Variants in ITPR2 observed in about 807,000 individuals in gnomAD.
The protein encoded by ITPR2 is inositol 1,4,5-trisphosphate receptor type 2.
A neutral mutation model predicts 317.1 loss-of-function variants in ITPR2; 207 were observed. That is an observed-to-expected ratio of 0.65 (90% CI 0.58 to 0.73). ITPR2 has a LOEUF of 0.73. Among genes scored for constraint, ITPR2 ranks in the 30% least tolerant of loss-of-function variants. The pLI is 0.00. For missense variants in ITPR2, 2,613 were observed against 3,284.0 expected, an observed-to-expected ratio of 0.80 and a Z score of 4.99; for synonymous variants, 1,156 against 1,149.1, an observed-to-expected ratio of 1.01 and a Z score of -0.12.
At chr12:26,745,325 A>G (rs938038852) in intron 2 of ITPR2, among the ~76,000 whole-genome samples, 1 of 152,246 alleles carries the variant, frequency 6.6e-6, no homozygotes, top group Non-Finnish European at 1.5e-5. Flanking sequence ...GCACATGGTG[A>G]TGTTCCCACT....
chr12:26,573,751 G>C (rs752478034), intron 34 of ITPR2, among the ~76,000 whole-genome samples: 1 of 152,156 alleles, frequency 6.6e-6, no homozygotes, highest in Admixed American at 6.5e-5. Flanking sequence ...ATGAGACTCC[G>C]AAAGAAGGTC....
rs1939191905 is a variant in ITPR2 at position 26,371,582 on chromosome 12, G to A, written c.7857+15852C>T. Among the ~76,000 whole-genome samples, 3 of 152,334 alleles carry A rather than the reference G, an allele frequency of 2.0e-5. No individual in the cohort carries two copies. The South Asian group carries it at 6.2e-4, about 32-fold the overall frequency. On this transcript the variant is annotated intron_variant, in intron 55 of 56. Coordinates refer to ENST00000381340, the MANE Select transcript of ITPR2 (RefSeq NM_002223.4). ...TCTTTAGGTGGATTGGCCACAAAAG[G>A]AAGATTTTATTTTCTGAAGATAAGC...
chr12:26,444,615 AG>A (rs1177233175), intron 45 of ITPR2, among the ~76,000 whole-genome samples: 1 of 152,178 alleles, frequency 6.6e-6, no homozygotes, highest in Middle Eastern at 3.2e-3. Context: ...AGAGAGTGTA[AG>A]GAACTTGTTT....
At chr12:26,525,606 A>C (rs1291661727) in intron 37 of ITPR2, among the ~76,000 whole-genome samples, 1 of 152,214 alleles carries the variant, frequency 6.6e-6, no homozygotes, top group Non-Finnish European at 1.5e-5. Flanking sequence ...CCAAATTCAT[A>C]TATCAGTACT....
At chr12:26,347,835 A>G (rs1938356796) in intron 55 of ITPR2, among the ~76,000 whole-genome samples, 1 of 152,254 alleles carries the variant, frequency 6.6e-6, no homozygotes, top group African/African-American at 2.4e-5. Context: ...ATAGAAATGC[A>G]GCAACAGTTG....
At chr12:26,692,988 C>T (rs537201982) in intron 10 of ITPR2, among the ~76,000 whole-genome samples, 14 of 152,226 alleles carry the variant, frequency 9.2e-5, no homozygotes, top group African/African-American at 3.4e-4. Context: ...CTTCTTTAGA[C>T]AGAAAAATAA....
intron 15 of ITPR2, 36 bp downstream of exon 15, chr12:26,663,649 A>T (rs778877066): frequency 6.4e-7 from 1 of 1,566,052 alleles, no homozygotes; most frequent in East Asian, 2.3e-5. Flanking sequence ...CATACTTTAC[A>T]TATGAAACAG....
At chr12:26,436,547 A>G (rs1941353913) in intron 47 of ITPR2, among the ~76,000 whole-genome samples, 1 of 152,232 alleles carries the variant, frequency 6.6e-6, no homozygotes, top group African/African-American at 2.4e-5. Flanking sequence ...TTCTTCTTTC[A>G]TCCTTCAGCC....
At chr12:26,705,747 C>T (rs1484212404) in intron 9 of ITPR2, among the ~76,000 whole-genome samples, 1 of 152,168 alleles carries the variant, frequency 6.6e-6, no homozygotes, top group East Asian at 1.9e-4. Context: ...TAACCCTTAA[C>T]ACCTGACGGC....
intron 22 of ITPR2, among the ~76,000 whole-genome samples, chr12:26,628,879 G>T (rs1422627437): frequency 6.6e-6 from 1 of 152,284 alleles, no homozygotes; most frequent in Non-Finnish European, 1.5e-5. Context: ...AAATCATGTG[G>T]TCTAAATACA....
intron 2 of ITPR2, among the ~76,000 whole-genome samples, chr12:26,776,824 G>A (rs1383815496): frequency 6.6e-6 from 1 of 152,188 alleles, no homozygotes; most frequent in Non-Finnish European, 1.5e-5. Flanking sequence ...CTCCTCAGGA[G>A]CCATCCTCAA....
chr12:26,616,949 T>C (rs1270558292), intron 26 of ITPR2, among the ~76,000 whole-genome samples: 2 of 152,246 alleles, frequency 1.3e-5, no homozygotes, highest in Admixed American at 6.5e-5. Context: ...ACATTTTCTT[T>C]TCTCTAGCTT....
intron 37 of ITPR2, among the ~76,000 whole-genome samples, chr12:26,542,233 G>T (rs889840353): frequency 6.6e-6 from 1 of 152,164 alleles, no homozygotes; most frequent in African/African-American, 2.4e-5. Flanking sequence ...CTGAATAAAT[G>T]GATTATGCTT....
At chr12:26,715,225 A>C (rs780453521) in intron 8 of ITPR2, 74 bp downstream of exon 8, 1 of 1,346,816 alleles carries the variant, frequency 7.4e-7, no homozygotes, top group Non-Finnish European at 1.0e-6. Flanking sequence ...GCCTATAACA[A>C]TAAAACAACA....
intron 45 of ITPR2, among the ~76,000 whole-genome samples, chr12:26,449,330 G>C (rs1051625809): frequency 6.6e-6 from 1 of 152,112 alleles, no homozygotes; most frequent in East Asian, 1.9e-4. Flanking sequence ...ATCAGCAGAA[G>C]GGGGCAAAAA....
intron 37 of ITPR2, among the ~76,000 whole-genome samples, chr12:26,521,835 G>A (rs955467654): frequency 3.9e-5 from 6 of 152,092 alleles, no homozygotes; most frequent in African/African-American, 1.4e-4. Context: ...ATGCAGCAGC[G>A]AGTTATATTC....
chr12:26,415,247 T>A, intron 51 of ITPR2, 56 bp downstream of exon 51: 2 of 1,134,102 alleles, frequency 1.8e-6, no homozygotes, highest in South Asian at 3.1e-5. Flanking sequence ...GTTAACAAGC[T>A]ACACACAAGT....
chr12:26,661,405 A>T (rs1293026635), intron 15 of ITPR2, among the ~76,000 whole-genome samples: 6 of 151,998 alleles, frequency 3.9e-5, no homozygotes, highest in African/African-American at 7.2e-5. Flanking sequence ...TGTGTGCCAG[A>T]CCTTGAGAGA....
intron 2 of ITPR2, among the ~76,000 whole-genome samples, chr12:26,741,364 A>G (rs1022072797): frequency 3.9e-5 from 6 of 152,286 alleles, no homozygotes; most frequent in Non-Finnish European, 7.3e-5. Context: ...TGAGGATTCC[A>G]TAACAATTAA....
Sources: allele counts gnomAD v4.1 joint callset (sites outside exome capture counted in the v4.1 genomes callset), GRCh38; gene constraint gnomAD v4.1.1; transcripts MANE v1.5; gene names NCBI Gene and HGNC (gene_info 2026-07-23, HGNC 2026-07-21).